Variants in BACH2 observed in about 807,000 individuals in gnomAD.
The protein encoded by BACH2 is transcription regulator protein BACH2.
In BACH2, 5 loss-of-function variants were observed where a neutral mutation model predicts 61.8. That is an observed-to-expected ratio of 0.08 (90% CI 0.04 to 0.17). BACH2 has a LOEUF of 0.17. BACH2 is among the 10% of genes least tolerant of loss of function. The pLI is 1.00. For synonymous variants in BACH2, 446 were observed against 440.1 expected (o/e 1.01, Z -0.17); for missense variants, 824 against 1,091.1 (o/e 0.76, Z 3.45).
At chr6:90,227,342 C>T (rs1044150890) in intron 3 of BACH2, among the ~76,000 whole-genome samples, 1 of 152,216 alleles carries the variant, frequency 6.6e-6, no homozygotes, top group East Asian at 1.9e-4. Context: ...AGCAAATGTG[C>T]ACAAGCCTGC....
chr6:89,996,085 G>A (rs1776832752), intron 6 of BACH2, among the ~76,000 whole-genome samples: 2 of 152,278 alleles, frequency 1.3e-5, no homozygotes, highest in Admixed American at 1.3e-4. Context: ...CATTGCCTAT[G>A]CTGGTGTTCC....
chr6:90,260,073 A>C (rs1406616461), intron 2 of BACH2, among the ~76,000 whole-genome samples: 1 of 148,804 alleles, frequency 6.7e-6, no homozygotes, highest in African/African-American at 2.5e-5. Context: ...TCTGATTTTT[A>C]TTTCTTTCCT....
At chr6:90,109,669 A>G (rs1175516701) in intron 4 of BACH2, among the ~76,000 whole-genome samples, 1 of 152,124 alleles carries the variant, frequency 6.6e-6, no homozygotes, top group African/African-American at 2.4e-5. Flanking sequence ...CCTCCCTCCA[A>G]ACCTGCTTCT....
intron 5 of BACH2, among the ~76,000 whole-genome samples, chr6:90,012,212 T>C (rs1388057108): frequency 3.9e-5 from 6 of 152,264 alleles, no homozygotes; most frequent in South Asian, 2.1e-4. Flanking sequence ...TTCTACAAAA[T>C]AGTCTGCTGG....
At chr6:90,012,669 A>G (rs1440011465) in intron 5 of BACH2, among the ~76,000 whole-genome samples, 1 of 151,386 alleles carries the variant, frequency 6.6e-6, no homozygotes, top group Non-Finnish European at 1.5e-5. Context: ...GCAATATTTT[A>G]ATTGAAAATT....
At chr6:90,281,259 C>T (rs116775467) in intron 1 of BACH2, among the ~76,000 whole-genome samples, 1,944 of 152,280 alleles carry the variant, frequency 0.013, 48 homozygotes, top group African/African-American at 0.044. Context: ...CCCATGTGCA[C>T]TTGAACAATT....
chr6:89,985,037 C>A lies in BACH2; in HGVS notation c.243+23565G>T, dbSNP rs188577585. On this transcript the variant is annotated intron_variant, in intron 6 of 8. Transcript: ENST00000257749. ...TCGGGCAGGAGACATTTGGCCGTGCCTTTCCTATTTTCCAGGGATAGGACT... is the reference window on the plus strand; with the variant it reads ...TCGGGCAGGAGACATTTGGCCGTGCATTTCCTATTTTCCAGGGATAGGACT... Among the ~76,000 whole-genome samples, 73 of 152,268 alleles carry A rather than the reference C, an allele frequency of 4.8e-4. 1 individual carries two copies. The South Asian group carries it at 5.8e-3, about 12-fold the overall frequency.
intron 4 of BACH2, among the ~76,000 whole-genome samples, chr6:90,138,927 G>A (rs1168796966): frequency 6.6e-6 from 1 of 152,122 alleles, no homozygotes; most frequent in Non-Finnish European, 1.5e-5. Flanking sequence ...AGGAGACTGG[G>A]GTGAAGTTAA....
Position 90,179,579 on chromosome 6 carries a change from T to C in BACH2, c.-162+26990A>G, listed in dbSNP as rs1203943772. On this transcript the variant is annotated intron_variant, in intron 4 of 8. Coordinates refer to ENST00000257749, the MANE Select transcript of BACH2 (RefSeq NM_021813.4). ...TGGAGTGAAGGTCTTTCTAACTGAGTAACTATAAGAAACTATGAAGCATCT... is the reference window on the plus strand; with the variant it reads ...TGGAGTGAAGGTCTTTCTAACTGAGCAACTATAAGAAACTATGAAGCATCT... 2.0e-5 allele frequency among the ~76,000 whole-genome samples: 3 copies of C among 152,120 alleles called. No homozygotes were observed. In the South Asian group the frequency reaches 6.2e-4, roughly 32 times the overall value.
At chr6:90,126,752 C>T (rs184495334) in intron 4 of BACH2, among the ~76,000 whole-genome samples, 19 of 152,346 alleles carry the variant, frequency 1.2e-4, no homozygotes, top group African/African-American at 3.8e-4. Context: ...GTAGACCATA[C>T]ATTCTAGAAC....
At chr6:89,989,343 TTC>T (rs1776414071) in intron 6 of BACH2, among the ~76,000 whole-genome samples, 1 of 152,154 alleles carries the variant, frequency 6.6e-6, no homozygotes. Context: ...CCACTTGACT[TTC>T]TGTTTCTATG....
chr6:90,179,433 C>A (rs756253981), intron 4 of BACH2, among the ~76,000 whole-genome samples: 2 of 152,146 alleles, frequency 1.3e-5, no homozygotes, highest in African/African-American at 4.8e-5. Flanking sequence ...ACCAAAGGTA[C>A]CTTTCTTTTT....
chr6:89,974,654 A>C (rs1208910941), intron 6 of BACH2, among the ~76,000 whole-genome samples: 1 of 152,218 alleles, frequency 6.6e-6, no homozygotes, highest in Non-Finnish European at 1.5e-5. Flanking sequence ...TTACTGTCCC[A>C]TTAGCACCTT....
At chr6:90,063,965 C>A (rs923217483) in intron 5 of BACH2, among the ~76,000 whole-genome samples, 1 of 151,694 alleles carries the variant, frequency 6.6e-6, no homozygotes, top group African/African-American at 2.4e-5. Flanking sequence ...AAACCAATGG[C>A]CTCTTAGAAA....
At chr6:90,022,183 C>T (rs1412480075) in intron 5 of BACH2, among the ~76,000 whole-genome samples, 2 of 152,254 alleles carry the variant, frequency 1.3e-5, no homozygotes, top group Non-Finnish European at 2.9e-5. Context: ...GTTATTATTG[C>T]TGCTTGTTTA....
At chr6:89,949,385 G>A (rs954687452) in intron 7 of BACH2, among the ~76,000 whole-genome samples, 22 of 152,142 alleles carry the variant, frequency 1.4e-4, no homozygotes, top group African/African-American at 5.3e-4. Flanking sequence ...GCCAGGTCAC[G>A]ACACAGACTC....
At chr6:90,231,626 C>T (rs112151819) in intron 3 of BACH2, among the ~76,000 whole-genome samples, 1 of 152,286 alleles carries the variant, frequency 6.6e-6, no homozygotes, top group African/African-American at 2.4e-5. Flanking sequence ...CATTTTTAGT[C>T]TACTCATATC....
intron 6 of BACH2, among the ~76,000 whole-genome samples, chr6:89,962,381 C>T (rs1370621581): frequency 6.6e-6 from 1 of 152,194 alleles, no homozygotes; most frequent in Non-Finnish European, 1.5e-5. Context: ...CAGTACTACA[C>T]AGTCAGCCCC....
chr6:90,173,119 A>T (rs1477457149), intron 4 of BACH2, among the ~76,000 whole-genome samples: 23 of 147,100 alleles, frequency 1.6e-4, no homozygotes, highest in Admixed American at 1.3e-3. Flanking sequence ...AACTATATTT[A>T]AAAAAAAAAA....
Sources: gnomAD v4.1 joint callset for allele counts (sites outside exome capture counted in the v4.1 genomes callset) on GRCh38, gnomAD v4.1.1 for gene constraint, MANE v1.5 for transcripts, NCBI Gene and HGNC (gene_info 2026-07-23, HGNC 2026-07-21) for gene names.